Variants in PPM1G observed in about 807,000 individuals in gnomAD.
PPM1G encodes the protein protein phosphatase 1G.
PPM1G carries 12 observed loss-of-function variants against 59.4 expected under a neutral mutation model. That is an observed-to-expected ratio of 0.20 (90% CI 0.13 to 0.33). The LOEUF is 0.33. PPM1G is among the 10% of genes least tolerant of loss of function. PPM1G has a pLI of 1.00. For synonymous variants in PPM1G, 245 were observed against 251.9 expected (o/e 0.97, Z 0.26); for missense variants, 392 against 681.3 (o/e 0.58, Z 4.73).
At chr2:27,406,506 A>G (rs551494214) in intron 1 of PPM1G, among the ~76,000 whole-genome samples, 1 of 152,352 alleles carries the variant, frequency 6.6e-6, no homozygotes, top group South Asian at 2.1e-4. Flanking sequence ...AACTTCAGAA[A>G]CAGCACATTA....
chr2:27,404,730 G>T (rs1454834835), intron 1 of PPM1G, among the ~76,000 whole-genome samples: 1 of 151,550 alleles, frequency 6.6e-6, no homozygotes, highest in Non-Finnish European at 1.5e-5. Flanking sequence ...GGATTAAGAG[G>T]TCAGGAGTTG....
At chr2:27,392,421 A>G (rs1271405878) in intron 1 of PPM1G, among the ~76,000 whole-genome samples, 3 of 150,924 alleles carry the variant, frequency 2.0e-5, no homozygotes, top group Non-Finnish European at 2.9e-5. Context: ...CAGCCTCCCA[A>G]GTAGCCGGGA....
At chr2:27,392,901 G>T in intron 1 of PPM1G, 1 of 1,424,088 alleles carries the variant, frequency 7.0e-7, no homozygotes, top group Non-Finnish European at 9.8e-7. Flanking sequence ...ATTCTTTGAT[G>T]GCCTTCACTT....
At position 27,383,878 on chromosome 2, in the gene PPM1G, C is replaced by G; in HGVS notation, c.966+74G>C. On this transcript the variant is annotated intron_variant, in intron 6 of 9. Coordinates refer to ENST00000344034, the MANE Select transcript of PPM1G (RefSeq NM_177983.3). The surrounding 1 kb of genome is among the most constrained non-coding windows in gnomAD (Gnocchi z 5.0). ...CTAAAGTATCAGGGGGATCCCCTGT[C>G]TCAAAATCAAAATTAGGGGATTCAC... 6.5e-7 allele frequency: 1 copy of G among 1,538,374 alleles called. No homozygotes were observed. Among genetic ancestry groups the G allele is most frequent in the South Asian group, 1.2e-5 (1 of 82,036 alleles).
intron 1 of PPM1G, among the ~76,000 whole-genome samples, chr2:27,405,654 A>G (rs1015571510): frequency 6.6e-6 from 1 of 151,278 alleles, no homozygotes; most frequent in Admixed American, 6.6e-5. Flanking sequence ...TCGGCCTCCC[A>G]AACTGCTGGG....
At chr2:27,392,255 C>A (rs1219471141) in intron 1 of PPM1G, among the ~76,000 whole-genome samples, 1 of 148,970 alleles carries the variant, frequency 6.7e-6, no homozygotes, top group Non-Finnish European at 1.5e-5. Flanking sequence ...TGTTGTTGTT[C>A]CTGGATTACT....
At chr2:27,398,030 C>T (rs1684091549) in intron 1 of PPM1G, among the ~76,000 whole-genome samples, 1 of 152,076 alleles carries the variant, frequency 6.6e-6, no homozygotes, top group Admixed American at 6.6e-5. Flanking sequence ...CTATAGAAAC[C>T]CAGGTGCCTT....
chr2:27,390,230 G>A (rs1236104755), intron 1 of PPM1G, among the ~76,000 whole-genome samples: 1 of 152,128 alleles, frequency 6.6e-6, no homozygotes, highest in African/African-American at 2.4e-5. Flanking sequence ...ATGTTGCCCA[G>A]GCTCTTCTCA....
chr2:27,392,542 G>A (rs1415537367), intron 1 of PPM1G, among the ~76,000 whole-genome samples: 4 of 130,730 alleles, frequency 3.1e-5, no homozygotes, highest in East Asian at 2.3e-4. Context: ...TGATCCTCCC[G>A]CCTCAGCCTC....
rs1364042629 is a variant in PPM1G, at chr2:27,382,189, T to C, written c.1371A>G (p.Gln457=). 8 of 1,614,232 alleles carry C rather than the reference T, an allele frequency of 5.0e-6. No individual in the cohort carries two copies. The highest frequency in any genetic ancestry group is 3.3e-5 in the South Asian group (3 of 91,088). The change falls in exon 9 of 10, where the codon CAA becomes CAG. Residue 457 remains glutamine, a synonymous_variant. Transcript: ENST00000344034. The surrounding 1 kb of genome is among the most constrained non-coding windows in gnomAD (Gnocchi z 4.2). ...TTTCATCACGCTGGCTGATCTTTGA[T>C]TGAATGAAATCTACAACTTCCTGGC... is the stretch of plus-strand genomic sequence containing the variant. The part of the protein sequence containing the change: ...MSSQEVVDFI[Q]SKISQRDENG...
chr2:27,388,041 AC>A (rs1313700943), intron 1 of PPM1G, among the ~76,000 whole-genome samples: 1 of 150,194 alleles, frequency 6.7e-6, no homozygotes, highest in Non-Finnish European at 1.5e-5. Context: ...CTCGGGATCC[AC>A]CCGCCTCAGT....
chr2:27,383,751 C>G lies in PPM1G; in HGVS notation c.967-151G>C, dbSNP rs752778494. The G allele has an allele frequency of 1.8e-6, 2 of 1,137,206 alleles. No individual in the cohort carries two copies. The highest frequency in any genetic ancestry group is 2.5e-6 in the Non-Finnish European group (2 of 809,652). The allele number at this position is 1,137,206 out of a possible 1,614,324, so 70.4% of individuals were successfully genotyped here. A position where few individuals can be genotyped will look rare whatever the true frequency, so the allele number is the denominator to read the frequency against. The stretch of plus-strand genomic sequence containing the variant: ...AGCACACATTTCATCTTTCTAGAGA[C>G]AGCAGCACACTCCCTCTCCCTTGTT... On this transcript the variant is annotated intron_variant, in intron 6 of 9. Transcript: ENST00000344034. This position sits in a 1 kb window ranked among gnomAD's most constrained non-coding sequence, Gnocchi z 5.0.
chr2:27,387,168 G>A lies in PPM1G; in HGVS notation c.121-10C>T. 1 of 1,607,024 alleles carries A rather than the reference G, an allele frequency of 6.2e-7. No homozygotes were observed. On this transcript the variant is annotated splice_polypyrimidine_tract_variant and intron_variant, in intron 1 of 9. Coordinates refer to ENST00000344034, the MANE Select transcript of PPM1G (RefSeq NM_177983.3). ...TACAGTTGTGAGCATCCTAGGAAAA[G>A]AAGAGCATAATCGGCATGTCTCAAG...
At chr2:27,393,273 G>A (rs1441479893) in intron 1 of PPM1G, 2 of 1,594,608 alleles carry the variant, frequency 1.3e-6, no homozygotes, top group African/African-American at 2.7e-5. Context: ...GTAAATGGAG[G>A]AGGCGTAGAG....
At chr2:27,402,361 T>C (rs961296117) in intron 1 of PPM1G, among the ~76,000 whole-genome samples, 16 of 152,092 alleles carry the variant, frequency 1.1e-4, no homozygotes, top group African/African-American at 3.6e-4. Flanking sequence ...AATAACCCAA[T>C]AGAAGATTAG....
chr2:27,390,029 G>GTT (rs1381114745), intron 1 of PPM1G, among the ~76,000 whole-genome samples: 2 of 117,300 alleles, frequency 1.7e-5, no homozygotes, highest in Admixed American at 1.7e-4. Flanking sequence ...TCAGCATCTT[G>GTT]TTTTCTTTTT....
At chr2:27,389,199 CAT>C (rs1276928802) in intron 1 of PPM1G, among the ~76,000 whole-genome samples, 2 of 152,154 alleles carry the variant, frequency 1.3e-5, no homozygotes, top group African/African-American at 4.8e-5. Flanking sequence ...ATGCAAAACA[CAT>C]AAAAGCCCTT....
chr2:27,383,000 A>ATT lies in PPM1G; in HGVS notation c.1201+364_1201+365dup, dbSNP rs751024396. Among the ~76,000 whole-genome samples the ATT allele has an allele frequency of 3.0e-5, 4 of 131,212 alleles. No homozygotes were observed. The highest frequency in any genetic ancestry group is 4.9e-4 in the South Asian group (2 of 4,078). 86.1% of individuals were successfully genotyped at this position (131,212 alleles called of 152,430 possible). ...ACTACCATGCCCAGCTAATTTTTGT[A>ATT]TTTTTTTTTTTTTTTAGTAGAGATG... On this transcript the variant is annotated intron_variant, in intron 7 of 9. Transcript: ENST00000344034. The surrounding 1 kb of genome is among the most constrained non-coding windows in gnomAD (Gnocchi z 4.2).
Position 27,385,552 on chromosome 2 carries a change from A to G in PPM1G, c.409+195T>C. 1 of 656,370 alleles carries G rather than the reference A, an allele frequency of 1.5e-6. No homozygotes were observed. Among genetic ancestry groups the G allele is most frequent in the Non-Finnish European group, 2.5e-6 (1 of 402,156 alleles). The allele number at this position is 656,370 out of a possible 1,614,324, so 40.7% of individuals were successfully genotyped here. A position where few individuals can be genotyped will look rare whatever the true frequency, so the allele number is the denominator to read the frequency against. On this transcript the variant is annotated intron_variant, in intron 4 of 9. Coordinates refer to ENST00000344034, the MANE Select transcript of PPM1G (RefSeq NM_177983.3). This position sits in a 1 kb window ranked among gnomAD's most constrained non-coding sequence, Gnocchi z 4.1. Reference sequence around the variant, plus strand: ...AATGTATATACAATGCTTACAGCTCAGATGCCACTCAACGAAGATAATTCT... The same window carrying G: ...AATGTATATACAATGCTTACAGCTCGGATGCCACTCAACGAAGATAATTCT...
Sources: gnomAD v4.1 joint callset for allele counts (sites outside exome capture counted in the v4.1 genomes callset) on GRCh38, gnomAD v4.1.1 for gene constraint, Gnocchi (gnomAD v3.1) non-coding constraint, MANE v1.5 for transcripts, NCBI Gene and HGNC (gene_info 2026-07-23, HGNC 2026-07-21) for gene names.